The following HABP4 variants were observed in gnomAD, a reference collection of about 807,000 sequenced individuals.
HABP4 encodes the protein intracellular hyaluronan-binding protein 4.
A neutral mutation model predicts 44.1 loss-of-function variants in HABP4; 32 were observed. The ratio of observed to expected loss-of-function variants is 0.73; its 90% CI spans 0.55 to 0.97. HABP4 has a LOEUF of 0.97. Ranked by LOEUF, HABP4 falls within the 50% of genes least tolerant of loss-of-function variation. The pLI, the probability that HABP4 is intolerant of heterozygous loss-of-function variation, is 0.00. For synonymous variants in HABP4, 216 were observed against 218.0 expected, an observed-to-expected ratio of 0.99 and a Z score of 0.08; for missense variants, 503 against 561.9, an observed-to-expected ratio of 0.90 and a Z score of 1.06.
At chr9:96,475,777 C>G (rs947565610) in intron 5 of HABP4, among the ~76,000 whole-genome samples, 2 of 152,166 alleles carry the variant, frequency 1.3e-5, no homozygotes, top group Non-Finnish European at 2.9e-5. Flanking sequence ...TCCCATCCTT[C>G]CTGAAAAATA....
Position 96,488,178 on chromosome 9 carries a change from C to T in HABP4, c.1089C>T (p.Asn363=). The T allele has an allele frequency of 6.2e-7, 1 of 1,612,746 alleles. No homozygotes were observed. Among genetic ancestry groups the T allele is most frequent in the South Asian group, 1.1e-5 (1 of 91,052 alleles). ...CCCAGCTGGAGATTAATTTTGGTAA[C>T]CTCCCTCGTCCTGGGCGTGGAGCCA... ...ITSQLEINFG[N]LPRPGRGARG... is the part of the protein sequence containing the mutation. The change falls in exon 7 of 8, where the codon AAC becomes AAT. Residue 363 remains asparagine, a synonymous_variant. Coordinates refer to ENST00000375249, the MANE Select transcript of HABP4 (RefSeq NM_014282.4). This position sits in a 1 kb window ranked among gnomAD's most constrained non-coding sequence, Gnocchi z 4.6.
chr9:96,478,982 G>A (rs565590943), intron 5 of HABP4, among the ~76,000 whole-genome samples: 9 of 152,096 alleles, frequency 5.9e-5, no homozygotes, highest in Non-Finnish European at 1.2e-4. Context: ...CATTTTTTGT[G>A]TGGTATTTCC....
rs752664594 is a variant in HABP4, at chr9:96,458,394, C to T, written c.365C>T (p.Pro122Leu). 3.1e-6 allele frequency: 5 copies of T among 1,613,866 alleles called. No homozygotes were observed. The highest frequency in any genetic ancestry group is 4.2e-6 in the Non-Finnish European group (5 of 1,179,956). ...GLQAPGQKRT[P>L]RRGEQQGWND... ...CTGTTGGTAGGCCAGAAGCGGACTC[C>T]TAGAAGAGGGGAGCAGCAAGGATGG... The change falls in exon 2 of 8, where the codon CCT (proline) becomes CTT (leucine). Residue 122 changes from proline to leucine, a missense_variant. Transcript: ENST00000375249.
rs527252304 is a variant in HABP4, at chr9:96,475,405, A to G, written c.827+4311A>G. On this transcript the variant is annotated intron_variant, in intron 5 of 7. Transcript: ENST00000375249. The stretch of plus-strand genomic sequence containing the variant: ...ACAACAACAACAAAAAAAAAAAAAA[A>G]AAGAAGAAAAAGAATAACATTTTTA... Among the ~76,000 whole-genome samples the G allele has an allele frequency of 6.6e-4, 99 of 150,000 alleles. 1 individual carries two copies. The South Asian group carries it at 0.015, about 23-fold the overall frequency.
At chr9:96,458,695 C>T (rs1832445961) in intron 2 of HABP4, among the ~76,000 whole-genome samples, 154 bp downstream of exon 2, 1 of 150,896 alleles carries the variant, frequency 6.6e-6, no homozygotes, top group African/African-American at 2.4e-5. Context: ...GCGATCTCGG[C>T]TCACTGCAAC....
intron 5 of HABP4, among the ~76,000 whole-genome samples, chr9:96,472,556 C>T (rs917823184): frequency 2.6e-5 from 4 of 152,216 alleles, no homozygotes; most frequent in African/African-American, 9.6e-5. Flanking sequence ...AACCATCGGG[C>T]TGCCATCCCC....
chr9:96,457,515 C>T (rs1370661536), intron 1 of HABP4, among the ~76,000 whole-genome samples: 2 of 152,212 alleles, frequency 1.3e-5, no homozygotes, highest in African/African-American at 4.8e-5. Context: ...CTATATATCT[C>T]ATAGAATAGC....
chr9:96,465,322 T>A lies in HABP4; in HGVS notation c.513-15T>A. The A allele has an allele frequency of 6.3e-7, 1 of 1,576,080 alleles. No individual in the cohort carries two copies. Among genetic ancestry groups the A allele is most frequent in the Non-Finnish European group, 8.7e-7 (1 of 1,147,264 alleles). ...CTTTAATTTACCAGTTTTTATTATA[T>A]CCACTCCTTCCTAGACCAGGTGATA... On this transcript the variant is annotated splice_polypyrimidine_tract_variant and intron_variant, in intron 2 of 7. Transcript: ENST00000375249.
intron 1 of HABP4, among the ~76,000 whole-genome samples, chr9:96,457,911 A>G (rs896818443): frequency 6.6e-6 from 1 of 152,194 alleles, no homozygotes; most frequent in African/African-American, 2.4e-5. Context: ...AAAATACAAA[A>G]TAAAAACAAA....
At chr9:96,468,818 AAGTG>A (rs1287794277) in intron 4 of HABP4, among the ~76,000 whole-genome samples, 4 of 152,252 alleles carry the variant, frequency 2.6e-5, no homozygotes, top group Non-Finnish European at 4.4e-5. Context: ...TTTCTTTATA[AAGTG>A]AGTAAGAAAT....
chr9:96,488,073 T>A lies in HABP4; in HGVS notation c.1000-16T>A. ...CTGTGGACTTGTGCGTGTTTGATGC[T>A]GTAATTGTGTTTCAGATGGTAAAAG... On this transcript the variant is annotated splice_polypyrimidine_tract_variant and intron_variant, in intron 6 of 7. Coordinates refer to ENST00000375249, the MANE Select transcript of HABP4 (RefSeq NM_014282.4). This position sits in a 1 kb window ranked among gnomAD's most constrained non-coding sequence, Gnocchi z 4.6. 1 of 1,593,902 alleles carries A rather than the reference T, an allele frequency of 6.3e-7. No homozygotes were observed. Among genetic ancestry groups the A allele is most frequent in the Non-Finnish European group, 8.6e-7 (1 of 1,162,286 alleles).
At chr9:96,466,985 C>T (rs112177404) in intron 4 of HABP4, among the ~76,000 whole-genome samples, 6 of 149,234 alleles carry the variant, frequency 4.0e-5, no homozygotes, top group Non-Finnish European at 7.4e-5. Context: ...TGCAATGGCG[C>T]GATCTCGGCT....
chr9:96,466,092 T>A (rs192771421), intron 4 of HABP4, among the ~76,000 whole-genome samples: 4 of 152,322 alleles, frequency 2.6e-5, no homozygotes, highest in African/African-American at 9.6e-5. Context: ...TTTTGTTGGC[T>A]GCACACGGTG....
chr9:96,489,025 T>A (rs1833028793), intron 7 of HABP4, among the ~76,000 whole-genome samples: 1 of 152,114 alleles, frequency 6.6e-6, no homozygotes, highest in Non-Finnish European at 1.5e-5. Flanking sequence ...ACTTATTCAT[T>A]GGAAATCAGC....
intron 1 of HABP4, among the ~76,000 whole-genome samples, chr9:96,451,153 C>G (rs961306404): frequency 2.0e-5 from 3 of 152,186 alleles, no homozygotes; most frequent in African/African-American, 7.2e-5. Context: ...CGGCGCGGTC[C>G]GGCCTGGCGC....
Position 96,488,902 on chromosome 9 carries a change from C to A in HABP4, c.1185+628C>A, listed in dbSNP as rs1280753305. 6.6e-6 allele frequency among the ~76,000 whole-genome samples: 1 copy of A among 152,188 alleles called. No homozygotes were observed. Among genetic ancestry groups the A allele is most frequent in the East Asian group, 1.9e-4 (1 of 5,180 alleles). On this transcript the variant is annotated intron_variant, in intron 7 of 7. Coordinates refer to ENST00000375249, the MANE Select transcript of HABP4 (RefSeq NM_014282.4). The surrounding 1 kb of genome is among the most constrained non-coding windows in gnomAD (Gnocchi z 4.6). The stretch of plus-strand genomic sequence containing the variant: ...ATTGAAGCCTGATCTCCGTGTGCGG[C>A]TGTATTCTCACTGGTGTGGCTATCG...
rs1833066251 is a variant in HABP4, at chr9:96,490,210, C to T, written c.*172C>T. 1.7e-6 allele frequency: 1 copy of T among 595,918 alleles called. No individual in the cohort carries two copies. The highest frequency in any genetic ancestry group is 2.1e-5 in the South Asian group (1 of 47,874). The allele number at this position is 595,918 out of a possible 1,614,324, so 36.9% of individuals were successfully genotyped here. ...TGTTAGAGGGGCTTCTCCAGAGGCT[C>T]GAGAGCAGGCCATTTCCCAAGAAGA... On this transcript the variant is annotated 3_prime_UTR_variant, in exon 8 of 8. Transcript: ENST00000375249.
intron 1 of HABP4, among the ~76,000 whole-genome samples, chr9:96,453,169 C>G (rs1334733404): frequency 6.7e-6 from 1 of 148,238 alleles, no homozygotes; most frequent in Non-Finnish European, 1.5e-5. Flanking sequence ...CCGGTTCAAG[C>G]GATTCTCCTG....
upstream of HABP4, chr9:96,450,135 G>A (rs1417196183): frequency 1.1e-5 from 9 of 806,532 alleles, no homozygotes; most frequent in Non-Finnish European, 1.4e-5. The surrounding 1 kb of genome is among the most constrained non-coding windows in gnomAD (Gnocchi z 4.8). Flanking sequence ...CGGCGGCGCC[G>A]CGGGGGCGGG....
Sources: allele counts gnomAD v4.1 joint callset (sites outside exome capture counted in the v4.1 genomes callset), GRCh38; gene constraint gnomAD v4.1.1; non-coding constraint Gnocchi (gnomAD v3.1); transcripts MANE v1.5; gene names NCBI Gene and HGNC (gene_info 2026-07-23, HGNC 2026-07-21).